Variants in PCNX2 observed in about 807,000 individuals in gnomAD.
PCNX2 encodes the protein pecanex 2, also known as pecanex-like protein 2.
A neutral mutation model predicts 223.8 loss-of-function variants in PCNX2; 168 were observed. The ratio of observed to expected loss-of-function variants is 0.75; its 90% CI spans 0.66 to 0.85. The LOEUF is 0.85. Ranked by LOEUF, PCNX2 falls within the 40% of genes least tolerant of loss-of-function variation. The probability of loss-of-function intolerance (pLI) is 0.00; values close to 1 mark genes in which losing one functional copy is unlikely to be tolerated. For synonymous variants in PCNX2, 1,006 were observed against 1,052.6 expected (o/e 0.96, Z 0.86); for missense variants, 2,507 against 2,675.5 (o/e 0.94, Z 1.39).
chr1:233,218,059 A>G lies in PCNX2; in HGVS notation c.2630T>C (p.Met877Thr). 6.2e-7 allele frequency: 1 copy of G among 1,602,400 alleles called. No homozygotes were observed. The part of the protein sequence containing the change: ...DMWVLLFCLV[M>T]ASCQYSLLKS... The stretch of plus-strand genomic sequence containing the variant: ...TAGCAGGGAGTACTGGCAGCTGGCC[A>G]TGACGAGGCAGAAGAGGAGCACCCA... The change falls in exon 11 of 34, where the codon ATG becomes ACG. Residue 877 changes from methionine (M) to threonine (T), a missense_variant. This residue lies in a region of PCNX2 where 104 missense variants were observed against 144.4 expected (regional missense o/e 0.72). Transcript: ENST00000258229.
At chr1:233,118,491 C>CAAAAA (rs35378781) in intron 21 of PCNX2, among the ~76,000 whole-genome samples, 11 of 94,392 alleles carry the variant, frequency 1.2e-4, no homozygotes, top group Non-Finnish European at 1.3e-4. Flanking sequence ...AAGGCACCTA[C>CAAAAA]AAAAAAAAAA....
At chr1:233,306,502 AT>A in the PCNX2 span, among the ~76,000 whole-genome samples, 4 of 152,218 alleles carry the variant, frequency 2.6e-5, no homozygotes, top group Non-Finnish European at 5.9e-5. Context: ...GAAAAAGCTT[AT>A]TACTTAATCA....
intron 23 of PCNX2, among the ~76,000 whole-genome samples, chr1:233,073,186 C>T (rs565391274): frequency 1.2e-4 from 19 of 152,028 alleles, no homozygotes; most frequent in African/African-American, 4.3e-4. Context: ...TACAAGGGGT[C>T]GTAGAATTCT....
intron 13 of PCNX2, among the ~76,000 whole-genome samples, chr1:233,203,800 GGGT>G (rs764743417): frequency 1.6e-4 from 24 of 152,132 alleles, no homozygotes; most frequent in Non-Finnish European, 2.9e-4. Flanking sequence ...TGCTCTGACA[GGGT>G]GATGGTTTAA....
chr1:233,013,553 G>A (rs778165544), intron 28 of PCNX2, among the ~76,000 whole-genome samples: 2 of 152,146 alleles, frequency 1.3e-5, no homozygotes. Flanking sequence ...GGTGGGTTTT[G>A]CCCTTAACAA....
At chr1:232,989,859 C>A (rs1026501383) in intron 32 of PCNX2, among the ~76,000 whole-genome samples, 1 of 152,208 alleles carries the variant, frequency 6.6e-6, no homozygotes, top group Non-Finnish European at 1.5e-5. Flanking sequence ...CATAGGCAAG[C>A]GCCTGTAGAT....
chr1:233,300,600 A>T (rs1572225911), upstream of PCNX2, among the ~76,000 whole-genome samples: 1 of 152,360 alleles, frequency 6.6e-6, no homozygotes, highest in South Asian at 2.1e-4. Context: ...GTAGCTTTGC[A>T]GAGCAGTACA....
chr1:233,088,893 T>G (rs1673735837), intron 23 of PCNX2, among the ~76,000 whole-genome samples: 1 of 152,214 alleles, frequency 6.6e-6, no homozygotes, highest in Admixed American at 6.5e-5. Flanking sequence ...GTTTTATGTA[T>G]GTTAATTCAT....
intron 20 of PCNX2, 50 bp from the exon 21 acceptor site, chr1:233,135,240 T>C: frequency 6.6e-7 from 1 of 1,514,268 alleles, no homozygotes; most frequent in Non-Finnish European, 9.0e-7. Flanking sequence ...TGCACACTGC[T>C]GGATGAGTTT....
At chr1:233,325,516 A>AC in the PCNX2 span, among the ~76,000 whole-genome samples, 6 of 149,294 alleles carry the variant, frequency 4.0e-5, no homozygotes, top group Non-Finnish European at 8.9e-5. Context: ...AAAAAAAAAA[A>AC]CCAAAAAAAA....
chr1:233,310,021 T>C, the PCNX2 span, among the ~76,000 whole-genome samples: 1 of 152,226 alleles, frequency 6.6e-6, no homozygotes, highest in Non-Finnish European at 1.5e-5. Context: ...ACATAATTGA[T>C]ATGTGTATGT....
rs1383501435 is a variant in PCNX2, at chr1:233,236,920, C to T, written c.2283G>A (p.Gly761=). The change falls in exon 9 of 34, where the codon GGG becomes GGA. Residue 761 remains glycine (G), a synonymous_variant. Coordinates refer to ENST00000258229, the MANE Select transcript of PCNX2 (RefSeq NM_014801.4). Reference sequence around the variant, plus strand: ...GCTGAAGGGCACTGACGGCAGGGTCCCCAGAAGACGGATCTTGACTCTCAG... The same window carrying T: ...GCTGAAGGGCACTGACGGCAGGGTCTCCAGAAGACGGATCTTGACTCTCAG... The part of the protein sequence containing the change: ...TTSESQDPSS[G]DPAVSALQQQ... 6.2e-7 allele frequency: 1 copy of T among 1,613,816 alleles called. No homozygotes were observed. The highest frequency in any genetic ancestry group is 8.5e-7 in the Non-Finnish European group (1 of 1,179,876).
intron 23 of PCNX2, chr1:233,065,560 G>A (rs891487426): frequency 6.6e-6 from 1 of 151,952 alleles, no homozygotes; most frequent in African/African-American, 2.4e-5. Context: ...CTTCTGAAAG[G>A]TAAAAGGAAA....
At chr1:233,053,710 G>A (rs1672088874) in intron 25 of PCNX2, among the ~76,000 whole-genome samples, 1 of 152,118 alleles carries the variant, frequency 6.6e-6, no homozygotes, top group Non-Finnish European at 1.5e-5. Flanking sequence ...CTCATTTGCG[G>A]GAAAACTGGA....
At chr1:233,016,259 A>C (rs3766485) in intron 27 of PCNX2, among the ~76,000 whole-genome samples, 66,640 of 152,024 alleles carry the variant, frequency 0.44, 16,184 homozygotes, top group African/African-American at 0.65. Flanking sequence ...CTGCTGAGGA[A>C]GTTGTTTCTA....
At chr1:233,137,681 G>A (rs1676889446) in intron 20 of PCNX2, among the ~76,000 whole-genome samples, 1 of 152,156 alleles carries the variant, frequency 6.6e-6, no homozygotes, top group Non-Finnish European at 1.5e-5. Flanking sequence ...CGTGAAGATA[G>A]ACTGCACTTA....
At chr1:233,276,062 AC>A (rs1660897033) in intron 1 of PCNX2, among the ~76,000 whole-genome samples, 1 of 151,848 alleles carries the variant, frequency 6.6e-6, no homozygotes, top group South Asian at 2.1e-4. Context: ...AGGGGTGGAA[AC>A]AACTCTAATG....
At chr1:233,008,516 G>A (rs1670361316) in intron 28 of PCNX2, among the ~76,000 whole-genome samples, 1 of 152,172 alleles carries the variant, frequency 6.6e-6, no homozygotes, top group Admixed American at 6.5e-5. Flanking sequence ...GCTTGGTGAG[G>A]GTCTTGCTAG....
At chr1:233,223,594 G>A (rs1007256623) in intron 10 of PCNX2, among the ~76,000 whole-genome samples, 2 of 152,010 alleles carry the variant, frequency 1.3e-5, no homozygotes, top group African/African-American at 2.4e-5. Context: ...CTATTTGTCC[G>A]AATGCTCTCC....
Sources: gnomAD v4.1 joint callset for allele counts (sites outside exome capture counted in the v4.1 genomes callset) on GRCh38, gnomAD v4.1.1 for gene constraint, gnomAD v4.1.1 regional missense constraint, MANE v1.5 for transcripts, NCBI Gene and HGNC (gene_info 2026-07-23, HGNC 2026-07-21) for gene names.